Variants in TAB2 observed in about 807,000 individuals in gnomAD.
TAB2 encodes TGF-beta activated kinase 1 (MAP3K7) binding protein 2.
In TAB2, 3 loss-of-function variants were observed where a neutral mutation model predicts 65.0. That is an observed-to-expected ratio of 0.05 (90% confidence interval 0.02 to 0.12). The LOEUF is 0.12. Among genes scored for constraint, TAB2 ranks in the 10% least tolerant of loss-of-function variants. The probability of loss-of-function intolerance (pLI) is 1.00; values close to 1 mark genes in which losing one functional copy is unlikely to be tolerated. For synonymous variants in TAB2, 298 were observed against 285.1 expected (o/e 1.05, Z -0.46); for missense variants, 623 against 840.3 (o/e 0.74, Z 3.20).
At chr6:149,369,676 A>G (rs1781155591) in intron 1 of TAB2, among the ~76,000 whole-genome samples, 1 of 152,224 alleles carries the variant, frequency 6.6e-6, no homozygotes, top group Non-Finnish European at 1.5e-5. Context: ...TTTTTGGCTC[A>G]GCCATTATAG....
intron 6 of TAB2, among the ~76,000 whole-genome samples, chr6:149,407,472 AT>A (rs1782703534): frequency 6.6e-6 from 1 of 152,154 alleles, no homozygotes; most frequent in Non-Finnish European, 1.5e-5. Flanking sequence ...ACTTTTATAT[AT>A]GTTTGAAATT....
intron 1 of TAB2, among the ~76,000 whole-genome samples, chr6:149,289,888 G>A (rs766335989): frequency 2.0e-5 from 3 of 152,152 alleles, no homozygotes; most frequent in Non-Finnish European, 2.9e-5. Context: ...GAAACATGTG[G>A]GGTGTGGGCG....
chr6:149,377,015 A>G (rs1781421063), intron 2 of TAB2, among the ~76,000 whole-genome samples: 1 of 151,194 alleles, frequency 6.6e-6, no homozygotes, highest in African/African-American at 2.4e-5. Flanking sequence ...AAGCGTGTGA[A>G]GGATTGAGAT....
chr6:149,360,674 T>G (rs1315232200), intron 1 of TAB2, among the ~76,000 whole-genome samples: 1 of 152,202 alleles, frequency 6.6e-6, no homozygotes, highest in Non-Finnish European at 1.5e-5. Flanking sequence ...CAAAATATAA[T>G]CATTCCTTCC....
At chr6:149,317,015 C>T (rs1365800150), upstream of TAB2, among the ~76,000 whole-genome samples, 1 of 150,722 alleles carries the variant, frequency 6.6e-6, no homozygotes, top group Non-Finnish European at 1.5e-5. The surrounding 1 kb of genome is among the most constrained non-coding windows in gnomAD (Gnocchi z 4.7). Flanking sequence ...CCACCTGCTC[C>T]TCTCGGCCGC....
chr6:149,364,630 C>T (rs1477148749), intron 1 of TAB2, among the ~76,000 whole-genome samples: 1 of 151,106 alleles, frequency 6.6e-6, no homozygotes, highest in Non-Finnish European at 1.5e-5. Flanking sequence ...GTATCTCCTG[C>T]ATACTAGGCA....
At chr6:149,374,858 T>C (rs1781349657) in intron 2 of TAB2, among the ~76,000 whole-genome samples, 1 of 152,078 alleles carries the variant, frequency 6.6e-6, no homozygotes, top group African/African-American at 2.4e-5. Context: ...ACTACACAAA[T>C]ACCAAGTTTT....
chr6:149,280,019 C>T (rs1417416039), intron 1 of TAB2, among the ~76,000 whole-genome samples: 1 of 152,154 alleles, frequency 6.6e-6, no homozygotes, highest in African/African-American at 2.4e-5. Flanking sequence ...GAATCAATTC[C>T]TCCCTCTTAT....
At position 149,237,581 on chromosome 6, in the gene TAB2, C is replaced by T. The variant is rs552591244; in HGVS notation, c.-121+18805C>T. ...TCCTGCCTTTCTCCTGTTTATAAAA[C>T]CTTCAATGGCTTCCTAAGACCCATG... On this transcript the variant is annotated intron_variant, in intron 1 of 1. Coordinates refer to the TAB2 transcript ENST00000606202. Among the ~76,000 whole-genome samples the T allele has an allele frequency of 5.3e-5, 8 of 152,344 alleles. No individual in the cohort carries two copies. In the South Asian group the frequency reaches 1.7e-3, roughly 32 times the overall value.
At chr6:149,338,035 A>G (rs1398993879) in intron 1 of TAB2, among the ~76,000 whole-genome samples, 1 of 152,202 alleles carries the variant, frequency 6.6e-6, no homozygotes, top group Non-Finnish European at 1.5e-5. Context: ...CAGGTCCACA[A>G]TGCTTTATCT....
At chr6:149,391,416 C>T (rs1273687077) in intron 3 of TAB2, among the ~76,000 whole-genome samples, 3 of 152,062 alleles carry the variant, frequency 2.0e-5, no homozygotes, top group Non-Finnish European at 4.4e-5. Flanking sequence ...TTCTGATCCC[C>T]ACTATGGTTT....
At chr6:149,270,856 G>A (rs1205375206) in intron 1 of TAB2, among the ~76,000 whole-genome samples, 1 of 152,090 alleles carries the variant, frequency 6.6e-6, no homozygotes, top group Non-Finnish European at 1.5e-5. Flanking sequence ...TAAAAGAGTG[G>A]TGAAGATGAC....
intron 1 of TAB2, among the ~76,000 whole-genome samples, chr6:149,262,029 C>T (rs147767074): frequency 0.01 from 1,530 of 152,298 alleles, 19 homozygotes; most frequent in African/African-American, 0.034. Flanking sequence ...AAAATCCCTA[C>T]TTCTTGAAGA....
intron 1 of TAB2, among the ~76,000 whole-genome samples, chr6:149,337,258 A>AT (rs1160062088): frequency 6.8e-6 from 1 of 146,340 alleles, no homozygotes; most frequent in Non-Finnish European, 1.5e-5. Context: ...AGTAATGTAT[A>AT]TTTTATGCAT....
chr6:149,241,032 TCTCA>T (rs1777587298), intron 1 of TAB2, among the ~76,000 whole-genome samples: 1 of 152,076 alleles, frequency 6.6e-6, no homozygotes, highest in Non-Finnish European at 1.5e-5. Flanking sequence ...CCAAGAGCTC[TCTCA>T]CTCTTCACAC....
At position 149,409,756 on chromosome 6, in the gene TAB2, A is replaced by G. The variant is rs755054991; in HGVS notation, c.*37A>G. The G allele has an allele frequency of 1.1e-5, 18 of 1,613,032 alleles. No homozygotes were observed. In the Admixed American group the frequency reaches 1.2e-4, roughly 10 times the overall value. On this transcript the variant is annotated 3_prime_UTR_variant, in exon 7 of 7. Transcript: ENST00000637181. ...CTGTATCTTCTCTAAAACCACATCT[A>G]AAGTTCAAGAAACTAGTCTGTCATC...
At chr6:149,281,088 G>A (rs996380523) in intron 1 of TAB2, among the ~76,000 whole-genome samples, 11 of 146,476 alleles carry the variant, frequency 7.5e-5, no homozygotes, top group African/African-American at 3.0e-4. Flanking sequence ...TGAATACACG[G>A]GTAAATATAT....
At chr6:149,239,742 C>T (rs1039169453) in intron 1 of TAB2, among the ~76,000 whole-genome samples, 4 of 152,196 alleles carry the variant, frequency 2.6e-5, no homozygotes, top group African/African-American at 7.2e-5. Context: ...AGTGTGAGTT[C>T]TCACTCAACA....
chr6:149,351,515 A>AT (rs1166198953), intron 1 of TAB2, among the ~76,000 whole-genome samples: 1 of 152,238 alleles, frequency 6.6e-6, no homozygotes, highest in African/African-American at 2.4e-5. Flanking sequence ...TTTACGAAGA[A>AT]TGAAATGATA....
Sources: gnomAD v4.1 joint callset for allele counts (sites outside exome capture counted in the v4.1 genomes callset) on GRCh38, gnomAD v4.1.1 for gene constraint, Gnocchi (gnomAD v3.1) non-coding constraint, MANE v1.5 for transcripts, NCBI Gene and HGNC (gene_info 2026-07-23, HGNC 2026-07-21) for gene names.